The following VEGFD variants were observed in gnomAD, a reference collection of about 807,000 sequenced individuals.
VEGFD encodes c-fos induced growth factor (vascular endothelial growth factor D).
In VEGFD, 26 loss-of-function variants were observed where a neutral mutation model predicts 28.0. That is an observed-to-expected ratio of 0.93 (90% CI 0.68 to 1.29). The LOEUF is 1.29. Among genes scored for constraint, VEGFD ranks in the 50% most tolerant of loss-of-function variants. The pLI is 0.00. For missense variants in VEGFD, 294 were observed against 273.4 expected, an observed-to-expected ratio of 1.08 and a Z score of -0.53; for synonymous variants, 93 against 95.5, an observed-to-expected ratio of 0.97 and a Z score of 0.15.
intron 1 of VEGFD, among the ~76,000 whole-genome samples, chrX:15,370,966 C>G (rs1923292817): frequency 9.1e-6 from 1 of 110,240 alleles, no homozygotes; most frequent in Admixed American, 9.7e-5. Flanking sequence ...GAGGGCCTCT[C>G]TCTTTCTCTC....
At chrX:15,370,284 T>G (rs1455511414) in intron 1 of VEGFD, among the ~76,000 whole-genome samples, 1 of 112,250 alleles carries the variant, frequency 8.9e-6, no homozygotes, top group Non-Finnish European at 1.9e-5. Flanking sequence ...TGAATAAATA[T>G]TTATTAAATG....
In VEGFD at chrX:15,346,096, T is replaced by C. The variant is rs753094313; in HGVS notation, c.*37A>G. On this transcript the variant is annotated 3_prime_UTR_variant, in exon 7 of 7. Coordinates refer to ENST00000297904, the MANE Select transcript of VEGFD (RefSeq NM_004469.5). ...AGCAACTTGGCAAAGCAGCATGCTG[T>C]TAAAAATGACAGGGATGGGGAACTT... is the stretch of plus-strand genomic sequence containing the variant. The C allele has an allele frequency of 8.4e-7, 1 of 1,194,947 alleles. No individual in the cohort carries two copies. The highest frequency in any genetic ancestry group is 2.4e-5 in the Admixed American group (1 of 42,234).
chrX:15,384,195 A>C lies in VEGFD; in HGVS notation c.-249T>G. On this transcript the variant is annotated 5_prime_UTR_variant, in exon 1 of 7. Coordinates refer to ENST00000297904, the MANE Select transcript of VEGFD (RefSeq NM_004469.5). ...CAAAATGTTCTCCAAAAATAATCAG[A>C]AGGTGGACATGTCTTCTACCTGAAA... is the stretch of plus-strand genomic sequence containing the variant. The C allele has an allele frequency of 3.5e-6, 1 of 287,082 alleles. No homozygotes were observed. Among genetic ancestry groups the C allele is most frequent in the Non-Finnish European group, 6.1e-6 (1 of 164,155 alleles). The allele number at this position is 287,082 out of a possible 1,213,427, so 23.7% of individuals were successfully genotyped here.
In VEGFD at chrX:15,355,197, A is replaced by T; in HGVS notation, c.594T>A (p.His198Gln). The change falls in exon 4 of 7, where the codon CAT (histidine) becomes CAA (glutamine). Residue 198 changes from histidine to glutamine, a missense_variant. Coordinates refer to ENST00000297904, the MANE Select transcript of VEGFD (RefSeq NM_004469.5). ...TGGATCTTCTGATAATTGAGTATGGATGGCGGGGGGCTGTTGGCAAGCACT... is the reference window on the plus strand; with the variant it reads ...TGGATCTTCTGATAATTGAGTATGGTTGGCGGGGGGCTGTTGGCAAGCACT... ...GCKCLPTAPR[H>Q]PYSIIRRSIQ... The T allele has an allele frequency of 8.3e-7, 1 of 1,205,737 alleles. No homozygotes were observed. Among genetic ancestry groups the T allele is most frequent in the African/African-American group, 1.7e-5 (1 of 57,235 alleles).
chrX:15,378,718 C>T (rs768779430), intron 1 of VEGFD, among the ~76,000 whole-genome samples: 57 of 111,733 alleles, frequency 5.1e-4, no homozygotes, highest in African/African-American at 1.8e-3. Flanking sequence ...GACCCATGGG[C>T]CAAATCTAAC....
intron 1 of VEGFD, among the ~76,000 whole-genome samples, chrX:15,367,617 T>G (rs1440475423): frequency 3.6e-5 from 4 of 111,279 alleles, no homozygotes; most frequent in African/African-American, 1.3e-4. Flanking sequence ...TTGAAGCATA[T>G]TGAAAGGATT....
rs959983886 is a variant in VEGFD at position 15,363,025 on chromosome X, C to T, written c.301+84G>A. ...CATTCTCCCTCTGACACGTGTCTGC[C>T]CTACGCAGACTTTTGGAGAAAGTAA... On this transcript the variant is annotated intron_variant, in intron 2 of 6. Transcript: ENST00000297904. 5.1e-5 allele frequency: 45 copies of T among 879,868 alleles called. No homozygotes were observed. In the Admixed American group the frequency reaches 1.1e-3, roughly 21 times the overall value. 72.5% of individuals were successfully genotyped at this position (879,868 alleles called of 1,213,427 possible).
At chrX:15,346,916 C>T (rs369733267) in intron 6 of VEGFD, among the ~76,000 whole-genome samples, 2 of 105,097 alleles carry the variant, frequency 1.9e-5, no homozygotes, top group African/African-American at 3.5e-5. Flanking sequence ...GGAGACAGAG[C>T]GAGACTCCGT....
At chrX:15,381,150 T>C (rs1277847851) in intron 1 of VEGFD, among the ~76,000 whole-genome samples, 1 of 111,813 alleles carries the variant, frequency 8.9e-6, no homozygotes, top group Non-Finnish European at 1.9e-5. Flanking sequence ...TCCAAACAGC[T>C]ATCCTTGCAA....
chrX:15,357,956 T>C, intron 3 of VEGFD, 47 bp downstream of exon 3: 1 of 1,114,840 alleles, frequency 9.0e-7, no homozygotes, highest in Non-Finnish European at 1.2e-6. Flanking sequence ...ATCAACACTA[T>C]TATCATCAGG....
At chrX:15,367,298 A>G (rs1271515271) in intron 1 of VEGFD, among the ~76,000 whole-genome samples, 2 of 112,190 alleles carry the variant, frequency 1.8e-5, no homozygotes, top group Admixed American at 9.4e-5. Flanking sequence ...TCAAGGCAAA[A>G]TTGTGGGAGT....
chrX:15,351,027 A>ATTTTTTTTTTTTTTTTTTT (rs35997805), intron 5 of VEGFD, among the ~76,000 whole-genome samples: 1 of 14,745 alleles, frequency 6.8e-5, no homozygotes, highest in African/African-American at 1.9e-4. Flanking sequence ...ATGCCCAGCT[A>ATTTTTTTTTTTTTTTTTTT]TTTTTTTTTT....
At position 15,346,026 on chromosome X, in the gene VEGFD, T is replaced by C; in HGVS notation, c.*107A>G. ...TTGGTCTGGATTCACTGTGGTGCTG[T>C]GTAAAATGGATTTTTTTTTTAACAC... is the stretch of plus-strand genomic sequence containing the variant. On this transcript the variant is annotated 3_prime_UTR_variant, in exon 7 of 7. Coordinates refer to ENST00000297904, the MANE Select transcript of VEGFD (RefSeq NM_004469.5). 1 of 984,898 alleles carries C rather than the reference T, an allele frequency of 1.0e-6. No individual in the cohort carries two copies. The highest frequency in any genetic ancestry group is 1.4e-6 in the Non-Finnish European group (1 of 713,820). The allele number at this position is 984,898 out of a possible 1,213,427, so 81.2% of individuals were successfully genotyped here.
At chrX:15,350,805 C>A (rs868674760) in intron 5 of VEGFD, among the ~76,000 whole-genome samples, 1 of 69,091 alleles carries the variant, frequency 1.4e-5, no homozygotes, top group Non-Finnish European at 2.9e-5. Flanking sequence ...TCTTTTCTTT[C>A]TTTCTTTCTC....
intron 1 of VEGFD, among the ~76,000 whole-genome samples, chrX:15,365,364 C>T (rs1383751039): frequency 1.8e-5 from 2 of 111,864 alleles, no homozygotes; most frequent in Non-Finnish European, 3.8e-5. Context: ...AACTCCTGGG[C>T]TCAAGTGATC....
chrX:15,359,384 T>C (rs1922950033), intron 2 of VEGFD, among the ~76,000 whole-genome samples: 1 of 95,230 alleles, frequency 1.1e-5, no homozygotes, highest in Non-Finnish European at 2.0e-5. Flanking sequence ...TTTTTTTTTT[T>C]AGCTTATTTT....
chrX:15,351,966 A>G (rs73447268), intron 5 of VEGFD, among the ~76,000 whole-genome samples: 1,239 of 112,428 alleles, frequency 0.011, 14 homozygotes, highest in African/African-American at 0.037. Context: ...GTATAACAAC[A>G]GGAGTGTGCC....
rs142972125 is a variant in VEGFD, at chrX:15,349,350, C to T, written c.743-1991G>A. 5.7e-3 allele frequency among the ~76,000 whole-genome samples: 637 copies of T among 112,322 alleles called. 10 individuals are homozygous for T. The highest frequency in any genetic ancestry group is 0.02 in the African/African-American group (606 of 30,892). On this transcript the variant is annotated intron_variant, in intron 5 of 6. Transcript: ENST00000297904. ...AGCAGGCTGTTTGGCAGAGTCTGTG[C>T]TCACATCCTTATAGCCAAGTTAAAA... is the stretch of plus-strand genomic sequence containing the variant.
At chrX:15,352,635 T>G (rs988009179) in intron 5 of VEGFD, among the ~76,000 whole-genome samples, 2 of 112,492 alleles carry the variant, frequency 1.8e-5, no homozygotes, top group Non-Finnish European at 3.7e-5. Context: ...TTTATACAAA[T>G]AAATTAGTAA....
Sources: gnomAD v4.1 joint callset for allele counts (sites outside exome capture counted in the v4.1 genomes callset) on GRCh38, gnomAD v4.1.1 for gene constraint, MANE v1.5 for transcripts, NCBI Gene and HGNC (gene_info 2026-07-23, HGNC 2026-07-21) for gene names.